Variants in DROSHA observed in about 807,000 individuals in gnomAD.
DROSHA encodes drosha ribonuclease III, also known as ribonuclease 3.
Under a neutral mutation model 181.9 loss-of-function variants are expected in DROSHA, and 56 were observed. That is an observed-to-expected ratio of 0.31 (90% CI 0.25 to 0.38). The LOEUF is 0.38. Among genes scored for constraint, DROSHA ranks in the 10% least tolerant of loss-of-function variants. DROSHA has a pLI of 1.00. For missense variants in DROSHA, 1,218 were observed against 1,743.5 expected, an observed-to-expected ratio of 0.70 and a Z score of 5.37; for synonymous variants, 524 against 591.2, an observed-to-expected ratio of 0.89 and a Z score of 1.65.
intron 10 of DROSHA, among the ~76,000 whole-genome samples, chr5:31,506,767 T>C (rs12332203): frequency 0.5 from 75,551 of 151,132 alleles, 21,557 homozygotes; most frequent in Non-Finnish European, 0.65. Context: ...TGATGAAAAA[T>C]ATAAAAAATT....
At chr5:31,431,152 T>G (rs1744130303) in intron 26 of DROSHA, among the ~76,000 whole-genome samples, 1 of 152,106 alleles carries the variant, frequency 6.6e-6, no homozygotes, top group African/African-American at 2.4e-5. Flanking sequence ...AGATGTGGTG[T>G]TCTCAAGATG....
chr5:31,437,107 T>G (rs1303843320), intron 24 of DROSHA, 132 bp downstream of exon 24: 1 of 975,132 alleles, frequency 1.0e-6, no homozygotes, highest in African/African-American at 1.7e-5. Context: ...GCTTCTAAGC[T>G]CTACAAAAGA....
chr5:31,483,733 A>C, intron 15 of DROSHA, 105 bp from the exon 16 acceptor site: 1 of 1,129,512 alleles, frequency 8.9e-7, no homozygotes, highest in Non-Finnish European at 1.3e-6. Flanking sequence ...AAAAACTACC[A>C]CCAGAAGTAG....
chr5:31,415,509 T>C (rs981535365), intron 30 of DROSHA, among the ~76,000 whole-genome samples: 8 of 152,190 alleles, frequency 5.3e-5, no homozygotes, highest in African/African-American at 1.9e-4. Flanking sequence ...TTAGATAAAA[T>C]ACCTGTTTGT....
At chr5:31,518,672 G>T (rs911348172) in intron 6 of DROSHA, among the ~76,000 whole-genome samples, 1 of 152,132 alleles carries the variant, frequency 6.6e-6, no homozygotes, top group African/African-American at 2.4e-5. Flanking sequence ...ATTTAATCCT[G>T]ACAGCAAGCC....
chr5:31,523,102 T>C (rs10069770), intron 5 of DROSHA, among the ~76,000 whole-genome samples: 67,345 of 152,034 alleles, frequency 0.44, 15,212 homozygotes, highest in South Asian at 0.5. Context: ...GAAGTTTCAG[T>C]TTTCCAAATA....
chr5:31,444,432 C>T (rs567560129), intron 23 of DROSHA, among the ~76,000 whole-genome samples: 1 of 152,348 alleles, frequency 6.6e-6, no homozygotes, highest in East Asian at 1.9e-4. Flanking sequence ...TAAATTCAAA[C>T]ATCACACAGT....
chr5:31,469,910 G>A (rs952542070), intron 17 of DROSHA, among the ~76,000 whole-genome samples: 11 of 152,148 alleles, frequency 7.2e-5, no homozygotes, highest in African/African-American at 2.7e-4. Context: ...ATAATGGCTT[G>A]AAATTTTTAA....
intron 18 of DROSHA, 180 bp downstream of exon 18, chr5:31,467,759 A>G: frequency 1.3e-6 from 1 of 798,574 alleles, no homozygotes; most frequent in East Asian, 3.1e-5. Flanking sequence ...AAATATGTAC[A>G]GAAAATAATT....
chr5:31,525,490 C>T (rs919048812), intron 5 of DROSHA, among the ~76,000 whole-genome samples: 4 of 115,624 alleles, frequency 3.5e-5, no homozygotes, highest in Admixed American at 2.5e-4. Context: ...GGCAACATAG[C>T]GAGATTCTGT....
Position 31,483,643 on chromosome 5 carries a change from T to C in DROSHA, c.1997-15A>G, listed in dbSNP as rs767351129. ...AAACAAAGGACCTGAAGCAAACAAATGAGAAAAAAAAAAAAAAAAGAAAAC... is the reference window on the plus strand; with the variant it reads ...AAACAAAGGACCTGAAGCAAACAAACGAGAAAAAAAAAAAAAAAAGAAAAC... On this transcript the variant is annotated splice_polypyrimidine_tract_variant and intron_variant, in intron 15 of 35. Transcript: ENST00000344624. The C allele has an allele frequency of 1.7e-5, 22 of 1,285,120 alleles. No homozygotes were observed. Among genetic ancestry groups the C allele is most frequent in the East Asian group, 1.2e-4 (4 of 34,338 alleles). 79.6% of individuals were successfully genotyped at this position (1,285,120 alleles called of 1,614,324 possible).
chr5:31,496,121 G>A (rs1393149853), intron 11 of DROSHA, among the ~76,000 whole-genome samples: 1 of 152,154 alleles, frequency 6.6e-6, no homozygotes, highest in Non-Finnish European at 1.5e-5. Flanking sequence ...TTTGGCCTGT[G>A]ATGGGACTCA....
intron 20 of DROSHA, among the ~76,000 whole-genome samples, chr5:31,452,249 T>C (rs1275068410): frequency 6.6e-6 from 1 of 152,196 alleles, no homozygotes; most frequent in Non-Finnish European, 1.5e-5. Context: ...GCAAAAGTTG[T>C]ACACAAGTTT....
chr5:31,449,249 G>A, intron 22 of DROSHA, 32 bp downstream of exon 22: 1 of 1,610,796 alleles, frequency 6.2e-7, no homozygotes, highest in Non-Finnish European at 8.5e-7. Context: ...GCCAAAATAG[G>A]AGATTCACAT....
chr5:31,419,677 G>A (rs2149994244), intron 30 of DROSHA, among the ~76,000 whole-genome samples: 1 of 152,274 alleles, frequency 6.6e-6, no homozygotes, highest in East Asian at 1.9e-4. Context: ...AGGAATACCA[G>A]GGGAAATGTG....
intron 35 of DROSHA, among the ~76,000 whole-genome samples, chr5:31,403,638 GCTAT>G (rs1400260928): frequency 6.6e-6 from 1 of 152,116 alleles, no homozygotes; most frequent in South Asian, 2.1e-4. Flanking sequence ...GCCAAATACA[GCTAT>G]CTATCTGTTT....
intron 26 of DROSHA, among the ~76,000 whole-genome samples, chr5:31,429,927 T>C (rs1743966586): frequency 6.6e-6 from 1 of 151,996 alleles, no homozygotes. Context: ...CAAATGTATA[T>C]AGATACCTAA....
At chr5:31,403,024 G>A (rs535070213) in intron 35 of DROSHA, among the ~76,000 whole-genome samples, 20 of 152,150 alleles carry the variant, frequency 1.3e-4, no homozygotes, top group South Asian at 2.1e-4. Flanking sequence ...CTCCTGCCTC[G>A]GCCTCCCAAA....
chr5:31,449,269 A>C lies in DROSHA; in HGVS notation c.2821+12T>G. ...AATAGGAGATTCACATCTTAAAATC[A>C]TCCAGACATACCTTTCTTCCGCATG... is the stretch of plus-strand genomic sequence containing the variant. On this transcript the variant is annotated intron_variant, in intron 22 of 35. Transcript: ENST00000344624. 1 of 1,613,554 alleles carries C rather than the reference A, an allele frequency of 6.2e-7. No homozygotes were observed. Among genetic ancestry groups the C allele is most frequent in the East Asian group, 2.2e-5 (1 of 44,854 alleles).
Sources: allele counts gnomAD v4.1 joint callset (sites outside exome capture counted in the v4.1 genomes callset), GRCh38; gene constraint gnomAD v4.1.1; transcripts MANE v1.5; gene names NCBI Gene and HGNC (gene_info 2026-07-23, HGNC 2026-07-21).